The following OLFM1 variants were observed in gnomAD, a reference collection of about 807,000 sequenced individuals.
OLFM1 encodes noelin.
Under a neutral mutation model 49.7 loss-of-function variants are expected in OLFM1, and 9 were observed. The observed-to-expected ratio is 0.18, with a 90% CI of 0.11 to 0.32. The LOEUF (loss-of-function observed/expected upper bound fraction) is 0.32. Ranked by LOEUF, OLFM1 falls within the 10% of genes least tolerant of loss-of-function variation. OLFM1 has a pLI of 1.00. For missense variants in OLFM1, 369 were observed against 661.8 expected (o/e 0.56, Z 4.85); for synonymous variants, 240 against 271.8 (o/e 0.88, Z 1.15).
chr9:135,116,192 G>A (rs1052656434), intron 5 of OLFM1, among the ~76,000 whole-genome samples: 3 of 152,176 alleles, frequency 2.0e-5, no homozygotes, highest in South Asian at 2.1e-4. Context: ...TGTGAAGCAC[G>A]GGGCTCCTTA....
chr9:135,110,275 C>T (rs574905980), intron 5 of OLFM1, among the ~76,000 whole-genome samples: 33 of 152,262 alleles, frequency 2.2e-4, no homozygotes, highest in Admixed American at 2.2e-3. Flanking sequence ...CCATGGCCTG[C>T]CTTCCAGAGC....
upstream of OLFM1, among the ~76,000 whole-genome samples, chr9:135,084,989 C>T (rs1830579431): frequency 6.6e-6 from 1 of 152,174 alleles, no homozygotes; most frequent in Admixed American, 6.5e-5. The surrounding 1 kb of genome is among the most constrained non-coding windows in gnomAD (Gnocchi z 4.6). Flanking sequence ...AGGTCTATAG[C>T]AAGCTGGGCA....
chr9:135,098,182 C>T lies in OLFM1; in HGVS notation c.457-104C>T, dbSNP rs1006496419. ...AGAACAAATAAGCCTGTAAATAAAG[C>T]GGGAATATACACACTTTCCCTCACC... On this transcript the variant is annotated intron_variant, in intron 3 of 5. Coordinates refer to ENST00000371793, the MANE Select transcript of OLFM1 (RefSeq NM_001282611.2). This position sits in a 1 kb window ranked among gnomAD's most constrained non-coding sequence, Gnocchi z 5.6. 68 of 1,468,840 alleles carry T rather than the reference C, an allele frequency of 4.6e-5. No homozygotes were observed. Among genetic ancestry groups the T allele is most frequent in the Admixed American group, 3.7e-4 (16 of 42,798 alleles). 91.0% of individuals were successfully genotyped at this position (1,468,840 alleles called of 1,614,324 possible). A position where few individuals can be genotyped will look rare whatever the true frequency, so the allele number is the denominator to read the frequency against.
rs577704604 is a variant in OLFM1, at chr9:135,107,382, C to T, written c.783+527C>T. On this transcript the variant is annotated intron_variant, in intron 5 of 5. Coordinates refer to ENST00000371793, the MANE Select transcript of OLFM1 (RefSeq NM_001282611.2). ...TGTTCTTTTTTCCCAGGCTTTTCCCCGCTGGGTGAAACCTCAGAAGAGGAG... is the reference window on the plus strand; with the variant it reads ...TGTTCTTTTTTCCCAGGCTTTTCCCTGCTGGGTGAAACCTCAGAAGAGGAG... 4.9e-4 allele frequency among the ~76,000 whole-genome samples: 75 copies of T among 152,340 alleles called. 2 individuals carry two copies. The highest frequency in any genetic ancestry group is 1.0e-3 in the South Asian group (5 of 4,832).
chr9:135,117,982 C>A lies in OLFM1; in HGVS notation c.784-1522C>A, dbSNP rs1831117851. ...GCTGTGTCTCCTTTTGAGGAGTGTG[C>A]TGGGTTTGGAGGTAGGACGTGGCAC... On this transcript the variant is annotated intron_variant, in intron 5 of 5. Transcript: ENST00000371793. The surrounding 1 kb of genome is among the most constrained non-coding windows in gnomAD (Gnocchi z 5.5). Among the ~76,000 whole-genome samples the A allele has an allele frequency of 6.6e-6, 1 of 152,226 alleles. No individual in the cohort carries two copies. The highest frequency in any genetic ancestry group is 1.5e-5 in the Non-Finnish European group (1 of 68,044).
chr9:135,078,059 C>T (rs1830490342), intron 1 of OLFM1, among the ~76,000 whole-genome samples: 1 of 152,206 alleles, frequency 6.6e-6, no homozygotes, highest in Non-Finnish European at 1.5e-5. Context: ...GACCAGCCTG[C>T]TCTGATTCCA....
chr9:135,090,392 G>T (rs778076018), intron 2 of OLFM1, 48 bp downstream of exon 2: 164 of 1,523,766 alleles, frequency 1.1e-4, no homozygotes, highest in South Asian at 3.9e-4. Context: ...GTGTTTGTGT[G>T]TGTGTGTGTG....
At position 135,106,449 on chromosome 9, in the gene OLFM1, A is replaced by G. The variant is rs886232630; in HGVS notation, c.677-300A>G. 6 of 369,886 alleles carry G rather than the reference A, an allele frequency of 1.6e-5. No individual in the cohort carries two copies. In the South Asian group the frequency reaches 2.8e-4, roughly 17 times the overall value. 22.9% of individuals were successfully genotyped at this position (369,886 alleles called of 1,614,324 possible). A position where few individuals can be genotyped will look rare whatever the true frequency, so the allele number is the denominator to read the frequency against. On this transcript the variant is annotated intron_variant, in intron 4 of 5. Coordinates refer to ENST00000371793, the MANE Select transcript of OLFM1 (RefSeq NM_001282611.2). ...GTGCTGCTCCAGCACCCCCATCCCC[A>G]GGCCATGGGTCCAGCAGGCTGAGGA...
upstream of OLFM1, among the ~76,000 whole-genome samples, chr9:135,085,810 C>T (rs1201805465): frequency 6.6e-6 from 1 of 152,234 alleles, no homozygotes; most frequent in Non-Finnish European, 1.5e-5. Flanking sequence ...ATCTGACGAC[C>T]CTTTCAAAAC....
At chr9:135,081,948 G>T (rs959340060) in intron 1 of OLFM1, among the ~76,000 whole-genome samples, 3 of 152,152 alleles carry the variant, frequency 2.0e-5, no homozygotes, top group Non-Finnish European at 2.9e-5. Context: ...GAGAGAATCC[G>T]CTGCGTTCGA....
intron 5 of OLFM1, among the ~76,000 whole-genome samples, chr9:135,112,648 G>T (rs935978903): frequency 6.6e-6 from 1 of 152,212 alleles, no homozygotes; most frequent in African/African-American, 2.4e-5. Flanking sequence ...CACCCAGTCC[G>T]CACAGGGCCA....
intron 2 of OLFM1, among the ~76,000 whole-genome samples, chr9:135,092,530 G>A (rs773347252): frequency 6.6e-6 from 1 of 152,182 alleles, no homozygotes; most frequent in Non-Finnish European, 1.5e-5. Flanking sequence ...AAGCCTAACT[G>A]AGCCTTTAAT....
intron 2 of OLFM1, among the ~76,000 whole-genome samples, chr9:135,093,888 G>A (rs989264708): frequency 5.3e-5 from 8 of 152,226 alleles, no homozygotes; most frequent in Non-Finnish European, 8.8e-5. Flanking sequence ...CTATAGGAGA[G>A]TAATTGTTTG....
intron 2 of OLFM1, 39 bp downstream of exon 2, chr9:135,090,383 TG>T: frequency 6.5e-7 from 1 of 1,533,382 alleles, no homozygotes; most frequent in East Asian, 2.4e-5. Context: ...TATGTGTGTG[TG>T]TTTGTGTGTG....
Position 135,079,205 on chromosome 9 carries a change from G to A in OLFM1, c.96+3403G>A, listed in dbSNP as rs564646789. 5.9e-5 allele frequency among the ~76,000 whole-genome samples: 9 copies of A among 152,326 alleles called. No homozygotes were observed. The East Asian group carries it at 1.4e-3, about 23-fold the overall frequency. ...GGCAAAAGAAGTGTCTGCACCGAGTGCTCTGGGTAGGAGTTGGGGAGTGAG... is the reference window on the plus strand; with the variant it reads ...GGCAAAAGAAGTGTCTGCACCGAGTACTCTGGGTAGGAGTTGGGGAGTGAG... On this transcript the variant is annotated intron_variant, in intron 1 of 5. Coordinates refer to the OLFM1 transcript ENST00000252854.
chr9:135,078,631 G>A (rs893265903), intron 1 of OLFM1, among the ~76,000 whole-genome samples: 2 of 152,234 alleles, frequency 1.3e-5, no homozygotes, highest in Admixed American at 6.5e-5. Context: ...AGAGAAGCAG[G>A]GTAAAGTGGC....
At chr9:135,078,596 C>A (rs1412543955) in intron 1 of OLFM1, among the ~76,000 whole-genome samples, 1 of 152,350 alleles carries the variant, frequency 6.6e-6, no homozygotes, top group Admixed American at 6.5e-5. Context: ...TGATTTTCAA[C>A]AAAAGACTGG....
intron 5 of OLFM1, among the ~76,000 whole-genome samples, chr9:135,107,146 CTGGGCTGGGCTGGG>C (rs1830956830): frequency 1.9e-4 from 1 of 5,338 alleles, no homozygotes; most frequent in Non-Finnish European, 4.6e-4. Flanking sequence ...CTGGGCTGGG[CTGGGCTGGGCTGGG>C]CTGGGCTGGG....
intron 4 of OLFM1, among the ~76,000 whole-genome samples, chr9:135,100,838 G>A (rs946488373): frequency 1.3e-5 from 2 of 152,190 alleles, no homozygotes; most frequent in African/African-American, 2.4e-5. Context: ...CAGCAGAGGA[G>A]GTGCTGGTAG....
Sources: gnomAD v4.1 joint callset for allele counts (sites outside exome capture counted in the v4.1 genomes callset) on GRCh38, gnomAD v4.1.1 for gene constraint, Gnocchi (gnomAD v3.1) non-coding constraint, MANE v1.5 for transcripts, NCBI Gene and HGNC (gene_info 2026-07-23, HGNC 2026-07-21) for gene names.